The following ANKRD28 variants were observed in gnomAD, a reference collection of about 807,000 sequenced individuals.
The protein encoded by ANKRD28 is ankyrin repeat domain 28.
A neutral mutation model predicts 126.5 loss-of-function variants in ANKRD28; 44 were observed. The ratio of observed to expected loss-of-function variants is 0.35; its 90% CI spans 0.27 to 0.45. The LOEUF (loss-of-function observed/expected upper bound fraction) is 0.45, where lower values mean the gene tolerates loss of function less well. ANKRD28 is among the 20% of genes least tolerant of loss of function. ANKRD28 has a pLI of 1.00. For synonymous variants in ANKRD28, 442 were observed against 468.5 expected (o/e 0.94, Z 0.73); for missense variants, 1,110 against 1,316.6 (o/e 0.84, Z 2.43).
chr3:15,752,956 C>T (rs2057947068), intron 3 of ANKRD28, among the ~76,000 whole-genome samples: 1 of 151,924 alleles, frequency 6.6e-6, no homozygotes, highest in African/African-American at 2.4e-5. Flanking sequence ...TACATAATAG[C>T]AAATATGTTA....
At chr3:15,717,776 G>A (rs910029435) in intron 8 of ANKRD28, among the ~76,000 whole-genome samples, 1 of 152,164 alleles carries the variant, frequency 6.6e-6, no homozygotes, top group African/African-American at 2.4e-5. Context: ...ATGTCAAGCA[G>A]TTCTAAAAAA....
intron 1 of ANKRD28, among the ~76,000 whole-genome samples, chr3:15,813,344 G>C (rs1350857993): frequency 6.6e-6 from 1 of 151,974 alleles, no homozygotes; most frequent in Admixed American, 6.6e-5. Context: ...CTCCAGTCTG[G>C]GCAACAGTGA....
Position 15,843,449 on chromosome 3 carries a change from C to T in ANKRD28, c.27+15928G>A, listed in dbSNP as rs983895174. 6.6e-6 allele frequency among the ~76,000 whole-genome samples: 1 copy of T among 152,048 alleles called. No individual in the cohort carries two copies. The highest frequency in any genetic ancestry group is 2.4e-5 in the African/African-American group (1 of 41,390). On this transcript the variant is annotated intron_variant, in intron 1 of 27. Coordinates refer to the ANKRD28 transcript ENST00000399451. The surrounding 1 kb of genome is among the most constrained non-coding windows in gnomAD (Gnocchi z 5.2). ...GCATCAGAATCTTAATAGCGTCCAT[C>T]CGGACACCAATATACAACAATATGT...
chr3:15,734,311 A>G (rs1483866853), intron 6 of ANKRD28, among the ~76,000 whole-genome samples: 1 of 152,246 alleles, frequency 6.6e-6, no homozygotes, highest in African/African-American at 2.4e-5. Context: ...ATGAGAGTCA[A>G]GAAAAGACAA....
chr3:15,807,070 T>A (rs114599606), intron 1 of ANKRD28, among the ~76,000 whole-genome samples: 1 of 152,330 alleles, frequency 6.6e-6, no homozygotes, highest in African/African-American at 2.4e-5. Flanking sequence ...AGCTTTTCCC[T>A]CTGTCAGACT....
At chr3:15,737,953 G>C (rs1390915267) in intron 4 of ANKRD28, among the ~76,000 whole-genome samples, 1 of 148,888 alleles carries the variant, frequency 6.7e-6, no homozygotes, top group Non-Finnish European at 1.5e-5. Flanking sequence ...GTGCTGCTTA[G>C]AGAGAAAGTT....
At chr3:15,783,992 C>T (rs962190836) in intron 2 of ANKRD28, among the ~76,000 whole-genome samples, 2 of 151,752 alleles carry the variant, frequency 1.3e-5, no homozygotes, top group Non-Finnish European at 2.9e-5. Context: ...GCCTCAGGAG[C>T]CATGAAAGCA....
At chr3:15,707,098 A>G (rs1489712936) in intron 14 of ANKRD28, among the ~76,000 whole-genome samples, 2 of 152,224 alleles carry the variant, frequency 1.3e-5, no homozygotes, top group African/African-American at 4.8e-5. Flanking sequence ...AACCGAATAA[A>G]TAATTCTGTT....
chr3:15,737,081 T>G lies in ANKRD28; in HGVS notation c.504A>C (p.Arg168=). The change falls in exon 5 of 28, where the codon CGA becomes CGC. Residue 168 remains arginine, a synonymous_variant. Transcript: ENST00000683139. ...PLLSNVNVSD[R]AGRTALHHAA... ...CATGATGTAATGCAGTCCTCCCTGC[T>G]CGATCAGATACGTTTACATTACTCA... is the stretch of plus-strand genomic sequence containing the variant. The G allele has an allele frequency of 1.2e-6, 2 of 1,613,996 alleles. No individual in the cohort carries two copies. The highest frequency in any genetic ancestry group is 1.7e-6 in the Non-Finnish European group (2 of 1,179,886).
intron 1 of ANKRD28, among the ~76,000 whole-genome samples, chr3:15,828,462 A>G (rs1166671580): frequency 6.6e-6 from 1 of 152,126 alleles, no homozygotes; most frequent in African/African-American, 2.4e-5. Flanking sequence ...AGTACACTAC[A>G]GCTTTATTCT....
intron 6 of ANKRD28, chr3:15,732,100 G>C (rs917553071): frequency 6.6e-6 from 1 of 152,212 alleles, no homozygotes; most frequent in African/African-American, 2.4e-5. Context: ...CTCCCGGAGA[G>C]AGCAGGACCC....
intron 3 of ANKRD28, among the ~76,000 whole-genome samples, chr3:15,752,589 T>C (rs1217169187): frequency 1.3e-5 from 2 of 152,332 alleles, no homozygotes; most frequent in African/African-American, 4.8e-5. Context: ...TCTATTAATA[T>C]ATCTAAGTAG....
At chr3:15,693,629 A>C (rs1398086205) in intron 17 of ANKRD28, among the ~76,000 whole-genome samples, 4 of 151,320 alleles carry the variant, frequency 2.6e-5, no homozygotes, top group Non-Finnish European at 5.9e-5. Context: ...GCTGCTGCTA[A>C]TGCTGCTCAG....
intron 1 of ANKRD28, among the ~76,000 whole-genome samples, chr3:15,825,073 G>A (rs1358964550): frequency 6.6e-6 from 1 of 152,198 alleles, no homozygotes; most frequent in Non-Finnish European, 1.5e-5. Flanking sequence ...CTTATCTGTT[G>A]TAAAATTTGC....
At chr3:15,699,396 T>A (rs1353581908) in intron 14 of ANKRD28, among the ~76,000 whole-genome samples, 3 of 151,910 alleles carry the variant, frequency 2.0e-5, no homozygotes, top group Non-Finnish European at 4.4e-5. Flanking sequence ...ACAAATGGGA[T>A]CTAATTAAAC....
chr3:15,754,819 T>C (rs2125410242), intron 3 of ANKRD28, among the ~76,000 whole-genome samples: 1 of 152,292 alleles, frequency 6.6e-6, no homozygotes, highest in East Asian at 1.9e-4. Flanking sequence ...ATTATACCTT[T>C]AAATATGTAT....
chr3:15,766,350 A>G (rs2058736085), intron 2 of ANKRD28, 38 bp from the exon 3 acceptor site: 10 of 1,460,942 alleles, frequency 6.8e-6, no homozygotes, highest in Non-Finnish European at 9.5e-6. Flanking sequence ...AAGTTTTAAA[A>G]TAAGATTAAT....
At chr3:15,712,451 T>C (rs756434097) in intron 10 of ANKRD28, among the ~76,000 whole-genome samples, 4 of 152,224 alleles carry the variant, frequency 2.6e-5, no homozygotes, top group African/African-American at 7.2e-5. Context: ...TTATGGACTT[T>C]GCTGGGGAAA....
intron 3 of ANKRD28, among the ~76,000 whole-genome samples, chr3:15,755,868 C>T (rs1400277632): frequency 6.6e-6 from 1 of 152,152 alleles, no homozygotes; most frequent in Non-Finnish European, 1.5e-5. Flanking sequence ...ACAGCAGTCC[C>T]TTGTCATTTG....
Sources: gnomAD v4.1 joint callset for allele counts (sites outside exome capture counted in the v4.1 genomes callset) on GRCh38, gnomAD v4.1.1 for gene constraint, Gnocchi (gnomAD v3.1) non-coding constraint, MANE v1.5 for transcripts, NCBI Gene and HGNC (gene_info 2026-07-23, HGNC 2026-07-21) for gene names.